The following SMYD3 variants were observed in gnomAD, a reference collection of about 807,000 sequenced individuals.
The protein encoded by SMYD3 is SET and MYND domain containing 3, also known as histone-lysine N-methyltransferase SMYD3.
In SMYD3, 36 loss-of-function variants were observed where a neutral mutation model predicts 57.7. The observed-to-expected ratio is 0.62, with a 90% CI of 0.48 to 0.82. The LOEUF (loss-of-function observed/expected upper bound fraction) is 0.82, where lower values mean the gene tolerates loss of function less well. Among genes scored for constraint, SMYD3 ranks in the 40% least tolerant of loss-of-function variants. SMYD3 has a pLI of 0.00. For synonymous variants in SMYD3, 211 were observed against 195.0 expected (o/e 1.08, Z -0.68); for missense variants, 515 against 538.8 (o/e 0.96, Z 0.44).
At chr1:245,924,654 G>GGTTTTTTTTTTT (rs1558499827) in intron 7 of SMYD3, among the ~76,000 whole-genome samples, 2 of 115,128 alleles carry the variant, frequency 1.7e-5, no homozygotes, top group Non-Finnish European at 1.7e-5. Context: ...CTCTATTCCA[G>GGTTTTTTTTTTT]CTTTTTTTTT....
intron 5 of SMYD3, among the ~76,000 whole-genome samples, chr1:246,312,846 G>C (rs1362472262): frequency 2.0e-5 from 3 of 152,162 alleles, no homozygotes; most frequent in Non-Finnish European, 4.4e-5. Context: ...GACTTCCGAA[G>C]GTTAAACACT....
intron 8 of SMYD3, among the ~76,000 whole-genome samples, chr1:245,895,064 G>T (rs555433828): frequency 6.6e-5 from 10 of 152,290 alleles, no homozygotes; most frequent in South Asian, 6.2e-4. Flanking sequence ...TTATCTCTCA[G>T]CCAACTTTAC....
intron 10 of SMYD3, among the ~76,000 whole-genome samples, chr1:245,770,767 G>A (rs1194447622): frequency 2.0e-5 from 3 of 152,144 alleles, no homozygotes; most frequent in Non-Finnish European, 2.9e-5. Context: ...TAAATAATAT[G>A]TAAGAATTTT....
chr1:246,030,149 T>A (rs1246923112), intron 5 of SMYD3, among the ~76,000 whole-genome samples: 1 of 151,576 alleles, frequency 6.6e-6, no homozygotes, highest in African/African-American at 2.4e-5. Flanking sequence ...ATAAAAGACA[T>A]ACAAGTAACA....
At chr1:246,190,633 G>C (rs1488494140) in intron 5 of SMYD3, among the ~76,000 whole-genome samples, 1 of 147,410 alleles carries the variant, frequency 6.8e-6, no homozygotes, top group Non-Finnish European at 1.5e-5. Flanking sequence ...TAGGGGAGTC[G>C]CTAAAGCTCA....
intron 1 of SMYD3, among the ~76,000 whole-genome samples, chr1:246,496,948 A>G (rs1021234922): frequency 3.3e-5 from 5 of 152,230 alleles, no homozygotes; most frequent in African/African-American, 1.2e-4. Flanking sequence ...TTAAAAAGGA[A>G]ACATTCTTGA....
intron 5 of SMYD3, chr1:245,930,262 C>T (rs950058790): frequency 2.5e-6 from 1 of 397,774 alleles, no homozygotes; most frequent in Non-Finnish European, 4.8e-6. Flanking sequence ...TGTTCAAAAT[C>T]CAGAATATGA....
chr1:246,343,855 CT>C (rs2065668954), intron 2 of SMYD3, among the ~76,000 whole-genome samples: 2 of 152,176 alleles, frequency 1.3e-5, no homozygotes, highest in East Asian at 1.9e-4. Flanking sequence ...ATTGTGATCA[CT>C]GTATTACAGA....
chr1:246,495,316 T>G (rs2068341986), intron 1 of SMYD3, among the ~76,000 whole-genome samples: 1 of 117,914 alleles, frequency 8.5e-6, no homozygotes, highest in African/African-American at 3.4e-5. Context: ...GCCACTGCAC[T>G]CCAGCCTGGG....
chr1:245,804,503 A>T (rs1228746107), intron 10 of SMYD3, among the ~76,000 whole-genome samples: 1 of 152,110 alleles, frequency 6.6e-6, no homozygotes, highest in Non-Finnish European at 1.5e-5. Flanking sequence ...GCTTGCATTG[A>T]GCTGAGATTG....
intron 5 of SMYD3, among the ~76,000 whole-genome samples, chr1:246,299,046 C>CATATTTTATATA (rs1478180575): frequency 6.6e-6 from 1 of 152,070 alleles, no homozygotes; most frequent in African/African-American, 2.4e-5. Flanking sequence ...AGAGCACAAC[C>CATATTTTATATA]TGGCAACATA....
At chr1:245,790,345 C>A (rs1018180878) in intron 10 of SMYD3, among the ~76,000 whole-genome samples, 1 of 152,128 alleles carries the variant, frequency 6.6e-6, no homozygotes, top group Non-Finnish European at 1.5e-5. Flanking sequence ...AATGAATGAC[C>A]CTACTTGCTA....
At chr1:245,772,269 A>T (rs1207570425) in intron 10 of SMYD3, among the ~76,000 whole-genome samples, 1 of 152,124 alleles carries the variant, frequency 6.6e-6, no homozygotes, top group Non-Finnish European at 1.5e-5. Context: ...ATGCAATGAA[A>T]TTTTTCTTGC....
intron 10 of SMYD3, among the ~76,000 whole-genome samples, chr1:245,787,399 G>A (rs548391338): frequency 6.6e-6 from 1 of 152,252 alleles, no homozygotes. Flanking sequence ...CGCTGGACCA[G>A]TTCACATCCA....
intron 1 of SMYD3, among the ~76,000 whole-genome samples, chr1:246,495,562 G>A (rs1250293399): frequency 1.3e-5 from 2 of 151,920 alleles, no homozygotes; most frequent in African/African-American, 4.8e-5. Context: ...ACACAAAGAG[G>A]GAAAAAGTCC....
chr1:245,987,630 T>C (rs2058729325), intron 5 of SMYD3, among the ~76,000 whole-genome samples: 1 of 152,212 alleles, frequency 6.6e-6, no homozygotes, highest in Non-Finnish European at 1.5e-5. Flanking sequence ...TATTCCCACT[T>C]TATAAATATG....
intron 5 of SMYD3, among the ~76,000 whole-genome samples, chr1:246,291,462 T>C (rs1199758725): frequency 6.6e-6 from 1 of 152,248 alleles, no homozygotes; most frequent in Non-Finnish European, 1.5e-5. Context: ...TTTATTTATA[T>C]GTTAACCTCC....
chr1:245,805,354 G>A (rs2048101488), intron 10 of SMYD3, among the ~76,000 whole-genome samples: 1 of 152,164 alleles, frequency 6.6e-6, no homozygotes, highest in African/African-American at 2.4e-5. Context: ...CCTAAGACTG[G>A]ATTAAAATTA....
intron 10 of SMYD3, among the ~76,000 whole-genome samples, chr1:245,827,855 C>T (rs10924344): frequency 1 from 151,962 of 152,322 alleles, 75,802 homozygotes; most frequent in Middle Eastern, 1. Flanking sequence ...AATGAGGAGC[C>T]GAGTCCAGAA....
Sources: allele counts gnomAD v4.1 joint callset (sites outside exome capture counted in the v4.1 genomes callset), GRCh38; gene constraint gnomAD v4.1.1; transcripts MANE v1.5; gene names NCBI Gene and HGNC (gene_info 2026-07-23, HGNC 2026-07-21).